GPR161: variants seen among roughly 807,000 people sequenced by gnomAD.
GPR161 encodes G protein-coupled receptor 161.
A neutral mutation model predicts 39.2 loss-of-function variants in GPR161; 25 were observed. The observed-to-expected ratio is 0.64, with a 90% CI of 0.47 to 0.89. GPR161 has a LOEUF of 0.89. GPR161 is among the 40% of genes least tolerant of loss of function. GPR161 has a pLI of 0.00. For missense variants in GPR161, 547 were observed against 677.8 expected (o/e 0.81, Z 2.14); for synonymous variants, 286 against 276.6 (o/e 1.03, Z -0.34).
intron 1 of GPR161, chr1:168,135,061 G>A: frequency 6.7e-7 from 1 of 1,493,428 alleles, no homozygotes; most frequent in African/African-American, 1.4e-5. Context: ...GAACGGTTCG[G>A]ATATCGTTGC....
intron 2 of GPR161, 131 bp downstream of exon 2, chr1:168,104,346 C>T: frequency 1.5e-6 from 1 of 680,884 alleles, no homozygotes. Context: ...AGAGGCAGAA[C>T]TCCACCTGGT....
intron 1 of GPR161, chr1:168,136,362 G>C (rs981791407): frequency 1.3e-5 from 19 of 1,467,378 alleles, no homozygotes; most frequent in African/African-American, 7.2e-5. Flanking sequence ...GGCCCGCATC[G>C]GCAGAGTCCC....
chr1:168,136,328 G>C (rs1699368368), intron 1 of GPR161: 1 of 1,485,590 alleles, frequency 6.7e-7, no homozygotes, highest in East Asian at 2.8e-5. Context: ...GCGGGACGTG[G>C]AGTCTCTTGG....
upstream of GPR161, chr1:168,137,303 T>C: frequency 6.5e-7 from 1 of 1,530,030 alleles, no homozygotes; most frequent in East Asian, 2.5e-5. Flanking sequence ...ACAGACACTT[T>C]CAGATTCTTC....
In GPR161 at chr1:168,080,081, G is replaced by T. The variant is rs1320175790; in HGVS notation, c.*5450C>A. On this transcript the variant is annotated 3_prime_UTR_variant, in exon 6 of 6. Transcript: ENST00000682931. ...GAGTTTGTGCTTTGATGTTTTCAAA[G>T]GAATCTTCAAGGTATTGGAAATACT... The T allele has an allele frequency of 2.0e-5, 3 of 152,278 alleles. No individual in the cohort carries two copies. The highest frequency in any genetic ancestry group is 6.5e-5 in the Admixed American group (1 of 15,302). The allele number at this position is 152,278 out of a possible 1,614,324, so 9.4% of individuals were successfully genotyped here.
chr1:168,123,906 C>T (rs964042684), intron 1 of GPR161, among the ~76,000 whole-genome samples: 1 of 152,230 alleles, frequency 6.6e-6, no homozygotes, highest in African/African-American at 2.4e-5. Context: ...AGCCACTACA[C>T]CCAGCCCCAG....
At chr1:168,130,416 C>G (rs1223718319) in intron 1 of GPR161, among the ~76,000 whole-genome samples, 1 of 152,202 alleles carries the variant, frequency 6.6e-6, no homozygotes, top group Non-Finnish European at 1.5e-5. Flanking sequence ...CTTGCCAGAG[C>G]TGCTGGGGAT....
intron 1 of GPR161, among the ~76,000 whole-genome samples, chr1:168,110,514 A>AAG (rs1275943016): frequency 2.0e-5 from 3 of 147,286 alleles, no homozygotes; most frequent in Non-Finnish European, 4.4e-5. Flanking sequence ...AAAAAGAAAA[A>AAG]AAAAAAAACG....
At chr1:168,118,721 A>G (rs1425440755) in intron 1 of GPR161, 2 of 152,196 alleles carry the variant, frequency 1.3e-5, no homozygotes, top group African/African-American at 4.8e-5. Context: ...CTGAGCAACA[A>G]GAATGAAGCT....
intron 2 of GPR161, among the ~76,000 whole-genome samples, chr1:168,099,627 A>T (rs182467370): frequency 6.6e-6 from 1 of 152,172 alleles, no homozygotes; most frequent in African/African-American, 2.4e-5. Context: ...TCACTCACTG[A>T]CTGAGGTTCA....
At chr1:168,136,688 G>T in intron 1 of GPR161, 51 bp downstream of exon 1, 1 of 1,110,592 alleles carries the variant, frequency 9.0e-7, no homozygotes, top group South Asian at 4.3e-5. Context: ...GCTCCATCCG[G>T]ACCGCCCTCT....
At chr1:168,112,695 A>G (rs1697314141) in intron 1 of GPR161, among the ~76,000 whole-genome samples, 1 of 151,500 alleles carries the variant, frequency 6.6e-6, no homozygotes. Context: ...CATCTCTACG[A>G]AAAATACAAA....
At chr1:168,123,529 CACAT>C (rs1204005623) in intron 1 of GPR161, among the ~76,000 whole-genome samples, 284 of 112,796 alleles carry the variant, frequency 2.5e-3, no homozygotes, top group African/African-American at 9.6e-3. Flanking sequence ...TATAGATATG[CACAT>C]ACATACACAC....
Position 168,097,091 on chromosome 1 carries a change from G to A in GPR161, c.516C>T (p.Asp172=), listed in dbSNP as rs200671514. The A allele has an allele frequency of 5.6e-5, 90 of 1,614,042 alleles. No homozygotes were observed. Among genetic ancestry groups the A allele is most frequent in the Non-Finnish European group, 6.9e-5 (82 of 1,180,032 alleles). Residue 172 remains aspartate (D), a synonymous_variant, in exon 3 of 6, where the codon GAC becomes GAT. Coordinates refer to ENST00000682931, the MANE Select transcript of GPR161 (RefSeq NM_001375883.1). ...CAGCCACACACATCCATTTGAACTC[G>A]TCAAACTCCACGGATGACCAACCAA... ...PLFGWSSVEF[D]EFKWMCVAAW...
At chr1:168,116,742 A>C (rs1226859358) in intron 1 of GPR161, among the ~76,000 whole-genome samples, 2 of 152,304 alleles carry the variant, frequency 1.3e-5, no homozygotes, top group Non-Finnish European at 2.9e-5. Flanking sequence ...CTGCAACCCC[A>C]GGGGCGTGTA....
chr1:168,129,641 G>A (rs766199739), intron 1 of GPR161, among the ~76,000 whole-genome samples: 1 of 152,196 alleles, frequency 6.6e-6, no homozygotes, highest in African/African-American at 2.4e-5. Flanking sequence ...CCTTAAAGAC[G>A]CCAACATTTT....
chr1:168,128,467 G>A (rs1200314008), intron 1 of GPR161, among the ~76,000 whole-genome samples: 7 of 152,282 alleles, frequency 4.6e-5, no homozygotes, highest in South Asian at 4.1e-4. Flanking sequence ...GGTCAAAAAC[G>A]TCAGTAGTGC....
In GPR161 at chr1:168,083,853, C is replaced by T. The variant is rs1385218740; in HGVS notation, c.*1678G>A. ...TCTGCCACACAACACAAAAACACAA[C>T]CTCACCAGGAGCTAGCTGGGCCCCA... is the stretch of plus-strand genomic sequence containing the variant. On this transcript the variant is annotated 3_prime_UTR_variant, in exon 6 of 6. Coordinates refer to ENST00000682931, the MANE Select transcript of GPR161 (RefSeq NM_001375883.1). The T allele has an allele frequency of 6.6e-6, 1 of 152,274 alleles. No individual in the cohort carries two copies. The highest frequency in any genetic ancestry group is 1.5e-5 in the Non-Finnish European group (1 of 68,082). 9.4% of individuals were successfully genotyped at this position (152,274 alleles called of 1,614,324 possible).
At chr1:168,095,552 A>C (rs1311508256) in intron 3 of GPR161, among the ~76,000 whole-genome samples, 1 of 152,194 alleles carries the variant, frequency 6.6e-6, no homozygotes, top group Non-Finnish European at 1.5e-5. Context: ...GTGTCCGGAA[A>C]CCTGTGCACA....
Sources: gnomAD v4.1 joint callset for allele counts (sites outside exome capture counted in the v4.1 genomes callset) on GRCh38, gnomAD v4.1.1 for gene constraint, MANE v1.5 for transcripts, NCBI Gene and HGNC (gene_info 2026-07-23, HGNC 2026-07-21) for gene names.